SGCZ: variants seen among roughly 807,000 people sequenced by gnomAD.
The protein encoded by SGCZ is sarcoglycan zeta.
In SGCZ, 40 loss-of-function variants were observed where a neutral mutation model predicts 41.3. That is an observed-to-expected ratio of 0.97 (90% CI 0.75 to 1.26). SGCZ has a LOEUF of 1.26. Among genes scored for constraint, SGCZ ranks in the 50% most tolerant of loss-of-function variants. SGCZ has a pLI of 0.00. For missense variants in SGCZ, 552 were observed against 369.8 expected (o/e 1.49, Z -4.04); for synonymous variants, 206 against 137.5 (o/e 1.50, Z -3.49).
intron 1 of SGCZ, among the ~76,000 whole-genome samples, chr8:15,131,803 G>C (rs530938088): frequency 4.6e-5 from 7 of 152,246 alleles, no homozygotes; most frequent in Non-Finnish European, 8.8e-5. Context: ...ACAGGGAATG[G>C]CTAAAAAAAC....
At chr8:14,205,277 A>G (rs1226622156) in intron 4 of SGCZ, among the ~76,000 whole-genome samples, 2 of 152,076 alleles carry the variant, frequency 1.3e-5, no homozygotes, top group African/African-American at 2.4e-5. Flanking sequence ...CTCCCCCTCA[A>G]CATGCTAACT....
chr8:14,460,777 GT>G (rs1455548582), intron 2 of SGCZ, among the ~76,000 whole-genome samples: 1 of 152,160 alleles, frequency 6.6e-6, no homozygotes, highest in East Asian at 1.9e-4. Flanking sequence ...AGAGCTAATT[GT>G]CAGATGCTAA....
At chr8:14,975,727 C>T (rs545407273) in intron 1 of SGCZ, among the ~76,000 whole-genome samples, 32 of 151,118 alleles carry the variant, frequency 2.1e-4, no homozygotes, top group African/African-American at 6.6e-4. Flanking sequence ...TTTTCTCTTA[C>T]GAAATAGTAT....
chr8:14,330,677 C>G (rs573122693), intron 2 of SGCZ, among the ~76,000 whole-genome samples: 2 of 151,864 alleles, frequency 1.3e-5, no homozygotes, highest in African/African-American at 4.8e-5. Context: ...TTGCAATGAT[C>G]TCATGGTAAT....
chr8:14,408,226 G>C (rs1397410438), intron 2 of SGCZ, among the ~76,000 whole-genome samples: 1 of 152,114 alleles, frequency 6.6e-6, no homozygotes, highest in African/African-American at 2.4e-5. Context: ...GGGCACCAAA[G>C]GGAACTGCTG....
At chr8:14,764,275 G>C (rs967651364) in intron 1 of SGCZ, among the ~76,000 whole-genome samples, 2 of 152,108 alleles carry the variant, frequency 1.3e-5, no homozygotes, top group African/African-American at 4.8e-5. Context: ...AATTAACTCA[G>C]ACAAAAACCC....
intron 2 of SGCZ, among the ~76,000 whole-genome samples, chr8:14,339,636 C>T (rs999479135): frequency 6.6e-6 from 1 of 152,220 alleles, no homozygotes; most frequent in South Asian, 2.1e-4. Context: ...TTGAATAAAA[C>T]CTAAGCATCT....
intron 1 of SGCZ, among the ~76,000 whole-genome samples, chr8:14,674,440 G>A (rs1441941): frequency 0.56 from 85,225 of 151,998 alleles, 25,300 homozygotes; most frequent in East Asian, 0.76. Flanking sequence ...TAGCTAAATG[G>A]AGCATATTAT....
intron 3 of SGCZ, among the ~76,000 whole-genome samples, chr8:14,262,810 A>G (rs967078969): frequency 1.3e-5 from 2 of 148,482 alleles, no homozygotes; most frequent in East Asian, 1.9e-4. Flanking sequence ...GTTTCAAGTA[A>G]TACTTCAAGA....
intron 1 of SGCZ, among the ~76,000 whole-genome samples, chr8:15,207,451 C>A (rs1319639338): frequency 6.6e-6 from 1 of 151,904 alleles, no homozygotes; most frequent in Admixed American, 6.6e-5. Context: ...AAAGAATAAT[C>A]AAAGAAACAG....
chr8:14,892,393 T>C (rs1805048095), intron 1 of SGCZ, among the ~76,000 whole-genome samples: 1 of 152,192 alleles, frequency 6.6e-6, no homozygotes, highest in Non-Finnish European at 1.5e-5. Context: ...AAGCTATCTA[T>C]TCTGTGTCAC....
At chr8:14,875,848 G>C (rs540803725) in intron 1 of SGCZ, among the ~76,000 whole-genome samples, 2 of 152,218 alleles carry the variant, frequency 1.3e-5, no homozygotes, top group South Asian at 2.1e-4. Context: ...AATTTAGTTG[G>C]TTGAAAAATG....
intron 2 of SGCZ, among the ~76,000 whole-genome samples, chr8:14,369,649 T>C (rs1030400522): frequency 2.0e-5 from 3 of 152,038 alleles, no homozygotes; most frequent in African/African-American, 7.2e-5. Flanking sequence ...CAAACATTAT[T>C]AACATATTAA....
intron 2 of SGCZ, among the ~76,000 whole-genome samples, chr8:14,367,082 G>A (rs1192673537): frequency 6.6e-6 from 1 of 151,998 alleles, no homozygotes; most frequent in Non-Finnish European, 1.5e-5. Flanking sequence ...TGAACACTTT[G>A]CCACTTAGAA....
intron 2 of SGCZ, among the ~76,000 whole-genome samples, chr8:14,449,507 A>G (rs1416881318): frequency 6.6e-6 from 1 of 152,138 alleles, no homozygotes; most frequent in Non-Finnish European, 1.5e-5. Flanking sequence ...ATCATGTTCC[A>G]ATGTGTCCTC....
chr8:14,238,032 G>A (rs563773181), intron 3 of SGCZ, among the ~76,000 whole-genome samples: 1 of 152,294 alleles, frequency 6.6e-6, no homozygotes, highest in East Asian at 1.9e-4. Flanking sequence ...AATGGCAAAA[G>A]TCCCTTTTTA....
intron 2 of SGCZ, among the ~76,000 whole-genome samples, chr8:14,488,424 A>T (rs938256778): frequency 1.3e-5 from 2 of 151,292 alleles, no homozygotes; most frequent in Non-Finnish European, 2.9e-5. Context: ...AAGTTTAAAG[A>T]GGTTTCCTTC....
In SGCZ at chr8:15,100,247, AGC is replaced by A. The variant is rs1316147636; in HGVS notation, c.39+137336_39+137337del. Among the ~76,000 whole-genome samples, 687 of 152,330 alleles carry A rather than the reference AGC, an allele frequency of 4.5e-3. 8 individuals carry two copies. The highest frequency in any genetic ancestry group is 0.016 in the African/African-American group (649 of 41,586). On this transcript the variant is annotated intron_variant, in intron 1 of 7. Transcript: ENST00000382080. Reference sequence around the variant, plus strand: ...TTTCCTGGAACTGTTAAGTAATTATAGCAAGGTTGCAGGATACAAAGTTAATA... The same window carrying A: ...TTTCCTGGAACTGTTAAGTAATTATAAAGGTTGCAGGATACAAAGTTAATA...
intron 1 of SGCZ, among the ~76,000 whole-genome samples, chr8:15,180,753 G>A (rs571942819): frequency 4.4e-4 from 60 of 137,700 alleles, no homozygotes; most frequent in African/African-American, 1.5e-3. Flanking sequence ...CGGGCATGGT[G>A]GTGGGCGCCT....
Sources: gnomAD v4.1 joint callset for allele counts (sites outside exome capture counted in the v4.1 genomes callset) on GRCh38, gnomAD v4.1.1 for gene constraint, MANE v1.5 for transcripts, NCBI Gene and HGNC (gene_info 2026-07-23, HGNC 2026-07-21) for gene names.